The following MAP7 variants were observed in gnomAD, a reference collection of about 807,000 sequenced individuals.
MAP7 encodes the protein ensconsin.
In MAP7, 52 loss-of-function variants were observed where a neutral mutation model predicts 94.8. That is an observed-to-expected ratio of 0.55 (90% CI 0.44 to 0.69). The LOEUF (loss-of-function observed/expected upper bound fraction) is 0.69, where lower values mean the gene tolerates loss of function less well. Ranked by LOEUF, MAP7 falls within the 30% of genes least tolerant of loss-of-function variation. MAP7 has a pLI of 0.00. For synonymous variants in MAP7, 350 were observed against 357.0 expected (o/e 0.98, Z 0.22); for missense variants, 940 against 964.6 (o/e 0.97, Z 0.34).
chr6:136,449,131 C>T (rs1800297410), intron 1 of MAP7, among the ~76,000 whole-genome samples: 1 of 151,932 alleles, frequency 6.6e-6, no homozygotes, highest in African/African-American at 2.4e-5. Context: ...CCCATCTCTA[C>T]TAAAAATACA....
intron 5 of MAP7, among the ~76,000 whole-genome samples, chr6:136,387,377 T>C (rs1318718797): frequency 6.6e-6 from 1 of 152,184 alleles, no homozygotes. Context: ...ACCAAAATGA[T>C]TGTTTAAAGG....
In MAP7 at chr6:136,365,999, G is replaced by A. The variant is rs1562318024; in HGVS notation, c.1009C>T (p.Pro337Ser). The A allele has an allele frequency of 6.2e-7, 1 of 1,610,944 alleles. No individual in the cohort carries two copies. The highest frequency in any genetic ancestry group is 8.5e-7 in the Non-Finnish European group (1 of 1,179,694). Residue 337 changes from proline (P) to serine (S), a missense_variant, in exon 10 of 18, where the codon CCT (proline) becomes TCT (serine). Coordinates refer to ENST00000354570, the MANE Select transcript of MAP7 (RefSeq NM_003980.6). ...SRLWLPSKSLPHLPGTPRPTS... is the reference protein window; with the variant it reads ...SRLWLPSKSLSHLPGTPRPTS... ...GGTCTGGGTGTGCCAGGCAAATGAG[G>A]AAGAGACTTGGACGGAAGCCTGGGC...
chr6:136,383,900 A>G (rs1778470286), intron 5 of MAP7, 119 bp from the exon 6 acceptor site: 1 of 632,848 alleles, frequency 1.6e-6, no homozygotes, highest in Non-Finnish European at 2.8e-6. Context: ...TAGATCTGTC[A>G]TAATAACACA....
chr6:136,386,083 T>C (rs1779119059), intron 5 of MAP7, among the ~76,000 whole-genome samples: 1 of 152,152 alleles, frequency 6.6e-6, no homozygotes, highest in African/African-American at 2.4e-5. Flanking sequence ...TCGTATCAAG[T>C]TTTACAGACC....
intron 8 of MAP7, among the ~76,000 whole-genome samples, chr6:136,368,223 C>A (rs1182690043): frequency 6.6e-6 from 1 of 151,352 alleles, no homozygotes; most frequent in African/African-American, 2.4e-5. Flanking sequence ...CTTTTTTAAA[C>A]CTTTCAGTCC....
chr6:136,431,770 G>A (rs1011830240), intron 1 of MAP7, among the ~76,000 whole-genome samples: 1 of 152,088 alleles, frequency 6.6e-6, no homozygotes, highest in African/African-American at 2.4e-5. Context: ...CTCGCACCTC[G>A]GACTTCCAGA....
intron 17 of MAP7, among the ~76,000 whole-genome samples, chr6:136,345,211 G>A (rs183117848): frequency 1.3e-5 from 2 of 152,274 alleles, no homozygotes; most frequent in East Asian, 3.9e-4. Flanking sequence ...AAAGACTTCA[G>A]GTCAAGTGTG....
intron 16 of MAP7, among the ~76,000 whole-genome samples, chr6:136,353,323 A>T (rs1162369440): frequency 6.6e-6 from 1 of 152,188 alleles, no homozygotes; most frequent in Admixed American, 6.5e-5. Flanking sequence ...GAACCAGCTG[A>T]ACTGCTAAAT....
chr6:136,528,706 TCTAATAA>T (rs930829188), intron 1 of MAP7, among the ~76,000 whole-genome samples: 50 of 152,352 alleles, frequency 3.3e-4, no homozygotes, highest in African/African-American at 1.2e-3. Context: ...TAGCTGCTGC[TCTAATAA>T]CTAACACATT....
chr6:136,401,205 A>G (rs1783967720), intron 3 of MAP7, among the ~76,000 whole-genome samples: 1 of 152,184 alleles, frequency 6.6e-6, no homozygotes, highest in South Asian at 2.1e-4. Context: ...AAGAAAAATT[A>G]TCTGGACTTG....
At chr6:136,367,783 T>C (rs1250332860) in intron 8 of MAP7, among the ~76,000 whole-genome samples, 1 of 152,194 alleles carries the variant, frequency 6.6e-6, no homozygotes. Context: ...TATCAAAAGC[T>C]GCAGCCACCA....
chr6:136,398,883 C>T (rs1011718311), intron 3 of MAP7, among the ~76,000 whole-genome samples: 1 of 152,204 alleles, frequency 6.6e-6, no homozygotes, highest in African/African-American at 2.4e-5. Flanking sequence ...CAACACTCCA[C>T]ATGCCCCTGT....
intron 3 of MAP7, among the ~76,000 whole-genome samples, chr6:136,410,590 TA>T (rs1267963868): frequency 6.6e-6 from 1 of 152,206 alleles, no homozygotes; most frequent in Non-Finnish European, 1.5e-5. Flanking sequence ...AAATGAAATC[TA>T]TGCCTAAAAA....
intron 1 of MAP7, chr6:136,466,758 T>G (rs1229058264): frequency 1.3e-5 from 20 of 1,534,472 alleles, no homozygotes; most frequent in Non-Finnish European, 1.7e-5. Flanking sequence ...CCCAAGAACT[T>G]ACAGTACAGT....
chr6:136,444,575 T>A (rs1047695379), intron 1 of MAP7, among the ~76,000 whole-genome samples: 1 of 152,228 alleles, frequency 6.6e-6, no homozygotes, highest in Non-Finnish European at 1.5e-5. Flanking sequence ...CATCACTTAA[T>A]AATTTTCAGT....
At chr6:136,413,050 C>A (rs1787999325) in intron 2 of MAP7, among the ~76,000 whole-genome samples, 1 of 151,848 alleles carries the variant, frequency 6.6e-6, no homozygotes, top group Non-Finnish European at 1.5e-5. Flanking sequence ...TAGTCCCAGC[C>A]ATTTGGGAGG....
At chr6:136,428,606 T>C (rs1462794850) in intron 1 of MAP7, among the ~76,000 whole-genome samples, 1 of 152,136 alleles carries the variant, frequency 6.6e-6, no homozygotes, top group African/African-American at 2.4e-5. Flanking sequence ...ATAGGAAAGA[T>C]CATGTATATA....
intron 16 of MAP7, among the ~76,000 whole-genome samples, chr6:136,353,580 G>A (rs1423112880): frequency 1.3e-5 from 2 of 152,082 alleles, no homozygotes; most frequent in Admixed American, 6.5e-5. Context: ...TTGAGACAGG[G>A]TCTCGCTCTG....
intron 1 of MAP7, among the ~76,000 whole-genome samples, chr6:136,498,594 T>C (rs1818968147): frequency 6.6e-6 from 1 of 151,962 alleles, no homozygotes; most frequent in Non-Finnish European, 1.5e-5. Context: ...GGATTGAGAA[T>C]GTTTGGTGGT....
Sources: allele counts gnomAD v4.1 joint callset (sites outside exome capture counted in the v4.1 genomes callset), GRCh38; gene constraint gnomAD v4.1.1; transcripts MANE v1.5; gene names NCBI Gene and HGNC (gene_info 2026-07-23, HGNC 2026-07-21).